The following MACROD2 variants were observed in gnomAD, a reference collection of about 807,000 sequenced individuals.
The protein encoded by MACROD2 is mono-ADP ribosylhydrolase 2.
Under a neutral mutation model 70.4 loss-of-function variants are expected in MACROD2, and 36 were observed. The ratio of observed to expected loss-of-function variants is 0.51; its 90% CI spans 0.39 to 0.68. MACROD2 has a LOEUF of 0.68. Among genes scored for constraint, MACROD2 ranks in the 30% least tolerant of loss-of-function variants. The pLI is 0.00. For synonymous variants in MACROD2, 172 were observed against 178.8 expected (o/e 0.96, Z 0.30); for missense variants, 496 against 538.4 (o/e 0.92, Z 0.78).
chr20:14,419,388 G>T (rs1412210806), intron 3 of MACROD2, among the ~76,000 whole-genome samples: 1 of 152,054 alleles, frequency 6.6e-6, no homozygotes, highest in Non-Finnish European at 1.5e-5. Flanking sequence ...TATTTATTAG[G>T]TATCTTCTAA....
At chr20:15,951,006 C>G (rs1243924140) in intron 12 of MACROD2, among the ~76,000 whole-genome samples, 4 of 152,064 alleles carry the variant, frequency 2.6e-5, no homozygotes, top group Non-Finnish European at 2.9e-5. Flanking sequence ...CATTCCACAT[C>G]CCATCTGGAA....
intron 8 of MACROD2, among the ~76,000 whole-genome samples, chr20:15,775,723 C>T (rs1169206392): frequency 6.6e-6 from 1 of 152,080 alleles, no homozygotes; most frequent in South Asian, 2.1e-4. Context: ...GGAAGGTCAG[C>T]GAATTCATCT....
chr20:15,909,025 C>T (rs530696189), intron 10 of MACROD2, among the ~76,000 whole-genome samples: 4 of 152,260 alleles, frequency 2.6e-5, no homozygotes, highest in South Asian at 2.1e-4. Flanking sequence ...TGGCAGGGCT[C>T]GACAGGGATA....
At chr20:14,647,152 C>T (rs1985439135) in intron 4 of MACROD2, among the ~76,000 whole-genome samples, 1 of 152,094 alleles carries the variant, frequency 6.6e-6, no homozygotes, top group Admixed American at 6.6e-5. Flanking sequence ...GGTTGTACAG[C>T]AAGCAGCTAC....
intron 3 of MACROD2, among the ~76,000 whole-genome samples, chr20:14,107,913 A>G (rs1376166931): frequency 6.6e-6 from 1 of 152,180 alleles, no homozygotes; most frequent in Non-Finnish European, 1.5e-5. Context: ...AAGAACATTA[A>G]TAACAATAAT....
rs557197622 is a variant in MACROD2 at position 15,333,734 on chromosome 20, T to C, written c.541-97671T>C. Among the ~76,000 whole-genome samples the C allele has an allele frequency of 1.2e-4, 18 of 151,686 alleles. No homozygotes were observed. The South Asian group carries it at 3.1e-3, about 26-fold the overall frequency. On this transcript the variant is annotated intron_variant, in intron 6 of 17. Transcript: ENST00000684519. ...GGAGGTTCAATTAGTTAATGTATTA[T>C]ATGGAGTATGACACGATGTTCAATA...
chr20:15,076,618 C>T (rs2075660168), intron 5 of MACROD2, among the ~76,000 whole-genome samples: 1 of 152,162 alleles, frequency 6.6e-6, no homozygotes, highest in Admixed American at 6.5e-5. Flanking sequence ...GATATAGCTA[C>T]AAATATGTTT....
At chr20:15,521,014 G>A (rs1350065464) in intron 8 of MACROD2, among the ~76,000 whole-genome samples, 2 of 152,202 alleles carry the variant, frequency 1.3e-5, no homozygotes, top group African/African-American at 4.8e-5. Flanking sequence ...TTAAACCACA[G>A]GGAAGGGACA....
intron 10 of MACROD2, 116 bp downstream of exon 10, chr20:15,885,927 G>A: frequency 8.7e-7 from 1 of 1,146,452 alleles, no homozygotes. Flanking sequence ...AGAAATATAT[G>A]CTCAGTGTTA....
At chr20:15,825,341 T>G (rs1413275633) in intron 8 of MACROD2, among the ~76,000 whole-genome samples, 3 of 152,144 alleles carry the variant, frequency 2.0e-5, no homozygotes, top group Non-Finnish European at 4.4e-5. Flanking sequence ...TATGAAAAGC[T>G]CAAGCCACAT....
chr20:14,976,870 A>G (rs569746591), intron 5 of MACROD2, among the ~76,000 whole-genome samples: 24 of 152,152 alleles, frequency 1.6e-4, no homozygotes, highest in Admixed American at 4.6e-4. Flanking sequence ...TGGCAAATAC[A>G]ATGCGGGGCT....
chr20:14,614,555 A>C (rs926827580), intron 4 of MACROD2, among the ~76,000 whole-genome samples: 5 of 152,236 alleles, frequency 3.3e-5, no homozygotes, highest in Non-Finnish European at 7.4e-5. Flanking sequence ...AAACTTCCTG[A>C]GGGCAGGGAG....
rs190678680 is a variant in MACROD2, at chr20:15,292,972, T to C, written c.540+62911T>C. Among the ~76,000 whole-genome samples, 322 of 152,278 alleles carry C rather than the reference T, an allele frequency of 2.1e-3. 1 individual carries two copies. The highest frequency in any genetic ancestry group is 2.3e-3 in the Non-Finnish European group (157 of 68,022). Reference sequence around the variant, plus strand: ...ATCTGATGGAGTGAGGTCCCTGAGGTGCTATTTCCTGCTTCCATACCATGG... The same window carrying C: ...ATCTGATGGAGTGAGGTCCCTGAGGCGCTATTTCCTGCTTCCATACCATGG... On this transcript the variant is annotated intron_variant, in intron 6 of 17. Coordinates refer to ENST00000684519, the MANE Select transcript of MACROD2 (RefSeq NM_001351661.2).
At chr20:15,435,721 A>G (rs559394484) in intron 7 of MACROD2, among the ~76,000 whole-genome samples, 5 of 152,284 alleles carry the variant, frequency 3.3e-5, no homozygotes, top group Admixed American at 3.3e-4. Flanking sequence ...TCTAGAGTGG[A>G]TCATGGTCCA....
intron 5 of MACROD2, among the ~76,000 whole-genome samples, chr20:15,179,573 C>G (rs914468064): frequency 6.6e-6 from 1 of 152,152 alleles, no homozygotes; most frequent in African/African-American, 2.4e-5. Context: ...CAAGACAGCT[C>G]TCTTCTCATT....
At chr20:14,788,763 GT>G (rs1195877119) in intron 5 of MACROD2, among the ~76,000 whole-genome samples, 12,398 of 79,030 alleles carry the variant, frequency 0.16, 182 homozygotes, top group African/African-American at 0.19. Flanking sequence ...TAGTGGTGGT[GT>G]TTTTTTTTTT....
At chr20:14,398,401 C>T (rs2083602587) in intron 3 of MACROD2, among the ~76,000 whole-genome samples, 1 of 124,562 alleles carries the variant, frequency 8.0e-6, no homozygotes, top group African/African-American at 2.6e-5. Flanking sequence ...CACATCCTTG[C>T]CAGCATTTTT....
chr20:14,584,649 T>C lies in MACROD2; in HGVS notation c.301+91141T>C, dbSNP rs191460597. ...ACCATCACATATAGGGCTTCAACAT[T>C]TGAAATTTGGTGGGGGGACACATTC... On this transcript the variant is annotated intron_variant, in intron 4 of 17. Coordinates refer to ENST00000684519, the MANE Select transcript of MACROD2 (RefSeq NM_001351661.2). Among the ~76,000 whole-genome samples the C allele has an allele frequency of 2.3e-3, 350 of 152,224 alleles. 2 individuals are homozygous for C. The highest frequency in any genetic ancestry group is 3.8e-3 in the Non-Finnish European group (256 of 67,998).
intron 6 of MACROD2, among the ~76,000 whole-genome samples, chr20:15,301,427 C>CA (rs1568704973): frequency 6.6e-6 from 1 of 152,054 alleles, no homozygotes; most frequent in African/African-American, 2.4e-5. Flanking sequence ...TCATGGTCAC[C>CA]AACTTGCCTT....
Sources: gnomAD v4.1 joint callset for allele counts (sites outside exome capture counted in the v4.1 genomes callset) on GRCh38, gnomAD v4.1.1 for gene constraint, MANE v1.5 for transcripts, NCBI Gene and HGNC (gene_info 2026-07-23, HGNC 2026-07-21) for gene names.